Variants in KHDRBS2 observed in about 807,000 individuals in gnomAD.
KHDRBS2 encodes KH domain-containing, RNA-binding, signal transduction-associated protein 2.
Under a neutral mutation model 44.3 loss-of-function variants are expected in KHDRBS2, and 26 were observed. The ratio of observed to expected loss-of-function variants is 0.59; its 90% confidence interval spans 0.43 to 0.81. The LOEUF is 0.81. Ranked by LOEUF, KHDRBS2 falls within the 40% of genes least tolerant of loss-of-function variation. The pLI is 0.00. For synonymous variants in KHDRBS2, 194 were observed against 151.1 expected (o/e 1.28, Z -2.08); for missense variants, 476 against 433.1 (o/e 1.10, Z -0.88).
chr6:62,124,620 C>CACACACACACACA (rs1554419844), intron 2 of KHDRBS2, among the ~76,000 whole-genome samples: 1 of 149,928 alleles, frequency 6.7e-6, no homozygotes, highest in Non-Finnish European at 1.5e-5. Flanking sequence ...CACACACACA[C>CACACACACACACA]CACCTTTATC....
chr6:61,587,361 T>TCTC, the KHDRBS2 span, among the ~76,000 whole-genome samples: 1 of 96,022 alleles, frequency 1.0e-5, no homozygotes, highest in African/African-American at 4.0e-5. Flanking sequence ...CAGCTTTTTT[T>TCTC]TATCTCTCTC....
chr6:61,645,483 C>A, the KHDRBS2 span, among the ~76,000 whole-genome samples: 27 of 150,308 alleles, frequency 1.8e-4, no homozygotes, highest in East Asian at 3.9e-4. Flanking sequence ...AATTTAAAAA[C>A]AAAAACATAA....
chr6:61,644,626 C>T, the KHDRBS2 span, among the ~76,000 whole-genome samples: 2 of 151,990 alleles, frequency 1.3e-5, no homozygotes, highest in Non-Finnish European at 2.9e-5. Flanking sequence ...CAAAAACAAC[C>T]CCTTTAAAAA....
At chr6:61,590,024 C>A in the KHDRBS2 span, among the ~76,000 whole-genome samples, 3 of 152,028 alleles carry the variant, frequency 2.0e-5, no homozygotes, top group Non-Finnish European at 4.4e-5. Flanking sequence ...TGTTATGTAT[C>A]CAAGAGGCAT....
the KHDRBS2 span, among the ~76,000 whole-genome samples, chr6:61,547,730 A>T: frequency 6.6e-6 from 1 of 152,182 alleles, no homozygotes; most frequent in African/African-American, 2.4e-5. Flanking sequence ...GGTTCTTAAA[A>T]TCTTCTCAAA....
Position 62,245,287 on chromosome 6 carries a change from C to T in KHDRBS2, c.91+40571G>A, listed in dbSNP as rs370563415. On this transcript the variant is annotated intron_variant, in intron 1 of 8. Transcript: ENST00000281156. ...AATCTCATAAATGTCATCTCTGTTGCCCAGAGACATTAAAAAGAAAATTTT... is the reference window on the plus strand; with the variant it reads ...AATCTCATAAATGTCATCTCTGTTGTCCAGAGACATTAAAAAGAAAATTTT... Among the ~76,000 whole-genome samples, 336 of 152,102 alleles carry T rather than the reference C, an allele frequency of 2.2e-3. 1 individual carries two copies. Among genetic ancestry groups the T allele is most frequent in the African/African-American group, 7.8e-3 (325 of 41,506 alleles).
At chr6:61,702,986 C>T (rs757573492) in intron 7 of KHDRBS2, among the ~76,000 whole-genome samples, 14 of 151,662 alleles carry the variant, frequency 9.2e-5, no homozygotes, top group Admixed American at 5.9e-4. Flanking sequence ...CTATAACCAC[C>T]GAAGTAATTA....
At chr6:61,657,562 C>T in the KHDRBS2 span, among the ~76,000 whole-genome samples, 1 of 151,862 alleles carries the variant, frequency 6.6e-6, no homozygotes, top group Admixed American at 6.6e-5. Context: ...ATTAACACCC[C>T]AAACCAAAAC....
At chr6:61,925,266 T>C (rs1808744691) in intron 4 of KHDRBS2, among the ~76,000 whole-genome samples, 1 of 152,152 alleles carries the variant, frequency 6.6e-6, no homozygotes, top group South Asian at 2.1e-4. Flanking sequence ...ATTATCCAAT[T>C]TACATTGCTA....
intron 2 of KHDRBS2, among the ~76,000 whole-genome samples, chr6:62,127,711 T>C (rs1043590441): frequency 5.9e-5 from 9 of 152,154 alleles, no homozygotes; most frequent in African/African-American, 2.2e-4. Context: ...AAATCTACTG[T>C]CTTCAATTAT....
intron 4 of KHDRBS2, among the ~76,000 whole-genome samples, chr6:61,922,459 C>T (rs575607343): frequency 6.6e-6 from 1 of 152,026 alleles, no homozygotes; most frequent in Non-Finnish European, 1.5e-5. Flanking sequence ...GCTGCAAAAA[C>T]AGACAACACT....
At chr6:62,150,784 T>C (rs1814988973) in intron 2 of KHDRBS2, among the ~76,000 whole-genome samples, 1 of 152,194 alleles carries the variant, frequency 6.6e-6, no homozygotes, top group South Asian at 2.1e-4. Context: ...ACAGAAGGCT[T>C]TACATTCCCA....
rs1371218412 is a variant in KHDRBS2, at chr6:61,954,755, C to T, written c.483+23311G>A. Reference sequence around the variant, plus strand: ...ACATACATATGTGTATATACACATGCATATGTATGTATACATACATATGTG... The same window carrying T: ...ACATACATATGTGTATATACACATGTATATGTATGTATACATACATATGTG... On this transcript the variant is annotated intron_variant, in intron 4 of 8. Coordinates refer to ENST00000281156, the MANE Select transcript of KHDRBS2 (RefSeq NM_152688.4). Among the ~76,000 whole-genome samples the T allele has an allele frequency of 5.7e-5, 6 of 105,662 alleles. 1 individual carries two copies. In the South Asian group the frequency reaches 8.5e-4, roughly 15 times the overall value. The allele number at this position is 105,662 out of a possible 152,430, so 69.3% of individuals were successfully genotyped here. A position where few individuals can be genotyped will look rare whatever the true frequency, so the allele number is the denominator to read the frequency against.
the KHDRBS2 span, among the ~76,000 whole-genome samples, chr6:61,653,263 C>T: frequency 3.3e-5 from 5 of 152,094 alleles, no homozygotes; most frequent in East Asian, 3.9e-4. Context: ...CTCTGTTCCT[C>T]TGAAGTGCCT....
At chr6:61,781,721 C>T (rs973169306) in intron 6 of KHDRBS2, among the ~76,000 whole-genome samples, 1 of 152,030 alleles carries the variant, frequency 6.6e-6, no homozygotes. Context: ...TACATTATAA[C>T]CATTAACTAA....
chr6:62,053,087 T>C (rs939408336), intron 2 of KHDRBS2, among the ~76,000 whole-genome samples: 2 of 152,036 alleles, frequency 1.3e-5, no homozygotes, highest in South Asian at 2.1e-4. Flanking sequence ...TATTATCCCA[T>C]TACATCATGT....
At chr6:62,100,804 T>A (rs1231247798) in intron 2 of KHDRBS2, among the ~76,000 whole-genome samples, 1 of 152,220 alleles carries the variant, frequency 6.6e-6, no homozygotes, top group Non-Finnish European at 1.5e-5. Flanking sequence ...AGATAATTTG[T>A]GTGACTTTAG....
intron 1 of KHDRBS2, among the ~76,000 whole-genome samples, chr6:62,272,038 A>T (rs1192038410): frequency 6.6e-6 from 1 of 152,142 alleles, no homozygotes; most frequent in Non-Finnish European, 1.5e-5. Flanking sequence ...AGCTCCATTC[A>T]TGGTAAATGC....
At chr6:62,091,943 A>G (rs970587986) in intron 2 of KHDRBS2, among the ~76,000 whole-genome samples, 5 of 152,182 alleles carry the variant, frequency 3.3e-5, no homozygotes, top group African/African-American at 7.2e-5. Context: ...GTTTTGGATT[A>G]AAGAGACTTC....
Sources: gnomAD v4.1 joint callset for allele counts (sites outside exome capture counted in the v4.1 genomes callset) on GRCh38, gnomAD v4.1.1 for gene constraint, MANE v1.5 for transcripts, NCBI Gene and HGNC (gene_info 2026-07-23, HGNC 2026-07-21) for gene names.